Variants in NFYC observed in about 807,000 individuals in gnomAD.
NFYC encodes the protein nuclear transcription factor Y subunit gamma.
Under a neutral mutation model 53.1 loss-of-function variants are expected in NFYC, and 25 were observed. The observed-to-expected ratio is 0.47, with a 90% CI of 0.34 to 0.66. The LOEUF (loss-of-function observed/expected upper bound fraction) is 0.66. Among genes scored for constraint, NFYC ranks in the 30% least tolerant of loss-of-function variants. The pLI is 0.01. For missense variants in NFYC, 260 were observed against 422.7 expected (o/e 0.62, Z 3.38); for synonymous variants, 145 against 152.6 (o/e 0.95, Z 0.37).
chr1:40,697,904 G>C (rs1271942719), intron 1 of NFYC, among the ~76,000 whole-genome samples: 1 of 152,126 alleles, frequency 6.6e-6, no homozygotes, highest in Non-Finnish European at 1.5e-5. Flanking sequence ...TATTGGAGTT[G>C]TATTTTCCAT....
intron 2 of NFYC, among the ~76,000 whole-genome samples, chr1:40,746,063 T>G (rs1176283090): frequency 6.6e-6 from 1 of 152,080 alleles, no homozygotes; most frequent in African/African-American, 2.4e-5. Context: ...ATTAGTTGAG[T>G]TGCTTGAATC....
chr1:40,730,396 C>T (rs562903204), intron 1 of NFYC, among the ~76,000 whole-genome samples: 2 of 151,896 alleles, frequency 1.3e-5, no homozygotes, highest in South Asian at 2.1e-4. Flanking sequence ...GCTTAGAGGC[C>T]GTTGTAGGGT....
intron 1 of NFYC, among the ~76,000 whole-genome samples, chr1:40,731,332 G>C (rs1292762547): frequency 6.6e-6 from 1 of 150,556 alleles, no homozygotes; most frequent in Non-Finnish European, 1.5e-5. Context: ...CTGCCACCAT[G>C]CCTGGCTAAT....
intron 6 of NFYC, among the ~76,000 whole-genome samples, chr1:40,760,943 T>C (rs1298185991): frequency 1.3e-5 from 2 of 152,136 alleles, no homozygotes; most frequent in African/African-American, 2.4e-5. Context: ...GTGAAAACTT[T>C]ACCTGCCAAA....
intron 6 of NFYC, among the ~76,000 whole-genome samples, chr1:40,761,477 CCTGTGTTTT>C (rs1180276687): frequency 3.9e-5 from 6 of 152,152 alleles, no homozygotes; most frequent in Non-Finnish European, 4.4e-5. Context: ...TAAAATTAAT[CCTGTGTTTT>C]CTGTCATAAA....
chr1:40,769,282 C>A, intron 8 of NFYC, 74 bp from the exon 9 acceptor site: 1 of 1,455,646 alleles, frequency 6.9e-7, no homozygotes, highest in Non-Finnish European at 9.6e-7. Context: ...TCTTTATGAC[C>A]CTCTTTTGGG....
chr1:40,770,894 C>A lies in NFYC; in HGVS notation c.*66C>A. On this transcript the variant is annotated 3_prime_UTR_variant, in exon 10 of 10. Coordinates refer to ENST00000447388, the MANE Select transcript of NFYC (RefSeq NM_014223.5). This position sits in a 1 kb window ranked among gnomAD's most constrained non-coding sequence, Gnocchi z 5.3. ...TTGCCATACAGCCCCAGGCAATGGG[C>A]ACAGCCTTCCTCCCCAGAGGACCCG... 1 of 1,552,696 alleles carries A rather than the reference C, an allele frequency of 6.4e-7. No individual in the cohort carries two copies. The highest frequency in any genetic ancestry group is 8.7e-7 in the Non-Finnish European group (1 of 1,143,472).
intron 6 of NFYC, 118 bp from the exon 7 acceptor site, chr1:40,762,770 A>C: frequency 1.1e-6 from 1 of 906,382 alleles, no homozygotes; most frequent in Non-Finnish European, 1.6e-6. Flanking sequence ...TACTGAGATG[A>C]CCTTAGGCAT....
At chr1:40,704,885 C>G (rs1219031575) in intron 1 of NFYC, among the ~76,000 whole-genome samples, 1 of 152,158 alleles carries the variant, frequency 6.6e-6, no homozygotes, top group Non-Finnish European at 1.5e-5. Flanking sequence ...TTCTGCAGGC[C>G]TGCAGAATAT....
At chr1:40,757,516 C>A in intron 5 of NFYC, 1 of 381,204 alleles carries the variant, frequency 2.6e-6, no homozygotes, top group Admixed American at 2.9e-5. Flanking sequence ...CAACCAGAAC[C>A]AGATGTGACA....
rs34929346 is a variant in NFYC at position 40,771,165 on chromosome 1, C to CT, written c.*347dup. On this transcript the variant is annotated 3_prime_UTR_variant, in exon 10 of 10. Transcript: ENST00000447388. ...AAGAAATATTTCTCCTTTTGTTTTT[C>CT]TTTTTTTTTTGTTTGTTACTGCCAC... is the stretch of plus-strand genomic sequence containing the variant. 1,756 of 312,944 alleles carry CT rather than the reference C, an allele frequency of 5.6e-3. 3 individuals carry two copies. Among genetic ancestry groups the CT allele is most frequent in the African/African-American group, 7.8e-3 (357 of 45,750 alleles). The allele number at this position is 312,944 out of a possible 1,614,324, so 19.4% of individuals were successfully genotyped here. A position where few individuals can be genotyped will look rare whatever the true frequency, so the allele number is the denominator to read the frequency against.
chr1:40,766,388 ATTCTC>A (rs1174774630), intron 7 of NFYC, among the ~76,000 whole-genome samples: 1 of 152,074 alleles, frequency 6.6e-6, no homozygotes, highest in Non-Finnish European at 1.5e-5. Context: ...CAGGGAATAT[ATTCTC>A]TTCTGTGCTG....
In NFYC at chr1:40,770,309, C is replaced by T. The variant is rs1647024987; in HGVS notation, c.889-400C>T. On this transcript the variant is annotated intron_variant, in intron 9 of 9. Transcript: ENST00000447388. This position sits in a 1 kb window ranked among gnomAD's most constrained non-coding sequence, Gnocchi z 5.3. ...GGAGAGGAGGGGGTAATCCTACTGC[C>T]CCTGCCAGTGTAGATTACCAAGAGT... 1 of 1,265,794 alleles carries T rather than the reference C, an allele frequency of 7.9e-7. No individual in the cohort carries two copies. Among genetic ancestry groups the T allele is most frequent in the Non-Finnish European group, 1.1e-6 (1 of 914,402 alleles). 78.4% of individuals were successfully genotyped at this position (1,265,794 alleles called of 1,614,324 possible). A position where few individuals can be genotyped will look rare whatever the true frequency, so the allele number is the denominator to read the frequency against.
intron 1 of NFYC, among the ~76,000 whole-genome samples, chr1:40,725,570 A>G (rs1233830889): frequency 6.6e-6 from 1 of 152,254 alleles, no homozygotes; most frequent in African/African-American, 2.4e-5. Context: ...CCATCTGTGT[A>G]AACATAAAAA....
At chr1:40,719,630 A>G (rs375568363) in intron 1 of NFYC, among the ~76,000 whole-genome samples, 6 of 152,322 alleles carry the variant, frequency 3.9e-5, no homozygotes, top group Non-Finnish European at 2.9e-5. Flanking sequence ...AGAATCTGGT[A>G]TCTTGATTTT....
At chr1:40,715,068 AG>A (rs1644078129) in intron 1 of NFYC, among the ~76,000 whole-genome samples, 1 of 147,176 alleles carries the variant, frequency 6.8e-6, no homozygotes, top group Non-Finnish European at 1.5e-5. Context: ...CAACAAATCG[AG>A]ACTCCATGTC....
chr1:40,756,099 ATTTGTGCTT>A (rs770896573), intron 5 of NFYC, among the ~76,000 whole-genome samples: 15 of 152,080 alleles, frequency 9.9e-5, no homozygotes, highest in Non-Finnish European at 2.2e-4. Context: ...GATTTCAGTG[ATTTGTGCTT>A]TTTGTAAAAT....
chr1:40,711,174 G>A lies in NFYC; in HGVS notation c.-9+19307G>A, dbSNP rs552757548. Among the ~76,000 whole-genome samples, 444 of 152,302 alleles carry A rather than the reference G, an allele frequency of 2.9e-3. 5 individuals are homozygous for A. Among genetic ancestry groups the A allele is most frequent in the African/African-American group, 0.01 (427 of 41,570 alleles). On this transcript the variant is annotated intron_variant, in intron 1 of 9. Coordinates refer to ENST00000447388, the MANE Select transcript of NFYC (RefSeq NM_014223.5). ...CTTTGTAATCTAGAGGGTTCTTAGTGAAGGGGATAGATAGTATTTTAGGAG... is the reference window on the plus strand; with the variant it reads ...CTTTGTAATCTAGAGGGTTCTTAGTAAAGGGGATAGATAGTATTTTAGGAG...
chr1:40,746,357 C>G (rs1403993244), intron 2 of NFYC, among the ~76,000 whole-genome samples: 2 of 152,154 alleles, frequency 1.3e-5, no homozygotes, highest in Admixed American at 6.5e-5. Flanking sequence ...TCTCTTCTTT[C>G]TATAATCATA....
Sources: allele counts gnomAD v4.1 joint callset (sites outside exome capture counted in the v4.1 genomes callset), GRCh38; gene constraint gnomAD v4.1.1; non-coding constraint Gnocchi (gnomAD v3.1); transcripts MANE v1.5; gene names NCBI Gene and HGNC (gene_info 2026-07-23, HGNC 2026-07-21).